GRID1: variants seen among roughly 807,000 people sequenced by gnomAD.
The protein encoded by GRID1 is glutamate ionotropic receptor delta type subunit 1, also known as glutamate receptor ionotropic, delta-1.
GRID1 carries 28 observed loss-of-function variants against 98.0 expected under a neutral mutation model. That is an observed-to-expected ratio of 0.29 (90% confidence interval 0.21 to 0.39). The LOEUF (loss-of-function observed/expected upper bound fraction) is 0.39, where lower values mean the gene tolerates loss of function less well. Among genes scored for constraint, GRID1 ranks in the 10% least tolerant of loss-of-function variants. The probability of loss-of-function intolerance (pLI) is 1.00; values close to 1 mark genes in which losing one functional copy is unlikely to be tolerated. For synonymous variants in GRID1, 553 were observed against 538.5 expected (o/e 1.03, Z -0.37); for missense variants, 1,111 against 1,340.5 (o/e 0.83, Z 2.67).
At chr10:85,739,149 T>C (rs1590211998) in intron 8 of GRID1, among the ~76,000 whole-genome samples, 2 of 152,120 alleles carry the variant, frequency 1.3e-5, no homozygotes, top group African/African-American at 4.8e-5. Context: ...ATATGTGCCA[T>C]ACACACAAAC....
chr10:85,959,772 C>T (rs1356350189), intron 4 of GRID1, among the ~76,000 whole-genome samples: 5 of 152,308 alleles, frequency 3.3e-5, no homozygotes, highest in Middle Eastern at 3.4e-3. Flanking sequence ...TTTATCTATT[C>T]ACCTGTCAAT....
intron 4 of GRID1, among the ~76,000 whole-genome samples, chr10:86,017,937 A>G (rs1220657564): frequency 6.6e-6 from 1 of 152,198 alleles, no homozygotes; most frequent in Non-Finnish European, 1.5e-5. Flanking sequence ...TCTGAGCCCA[A>G]CAGACCATGC....
chr10:86,053,889 C>T (rs1385272754), intron 4 of GRID1, among the ~76,000 whole-genome samples: 1 of 152,206 alleles, frequency 6.6e-6, no homozygotes, highest in Non-Finnish European at 1.5e-5. Flanking sequence ...CGTGTGCACA[C>T]ATGCACACAC....
rs73336595 is a variant in GRID1 at position 85,851,813 on chromosome 10, C to A, written c.1233+2683G>T. ...CGACTCCTTGGACTCTGACCTTGGG[C>A]ACTCCTTAGATGACTGATCTTGGCA... On this transcript the variant is annotated intron_variant, in intron 8 of 15. Transcript: ENST00000327946. Among the ~76,000 whole-genome samples the A allele has an allele frequency of 5.4e-3, 829 of 152,246 alleles. 6 individuals are homozygous for A. Among genetic ancestry groups the A allele is most frequent in the African/African-American group, 0.019 (782 of 41,544 alleles).
chr10:85,802,538 G>GA (rs765269927), intron 8 of GRID1, among the ~76,000 whole-genome samples: 2 of 151,954 alleles, frequency 1.3e-5, no homozygotes, highest in Non-Finnish European at 2.9e-5. Flanking sequence ...TTTTAAAAAT[G>GA]AAATTGTATG....
chr10:86,265,811 T>C (rs764585533), intron 2 of GRID1, among the ~76,000 whole-genome samples: 3 of 152,188 alleles, frequency 2.0e-5, no homozygotes, highest in African/African-American at 4.8e-5. Flanking sequence ...ATCAATCTTC[T>C]CTGACAGTTA....
intron 4 of GRID1, among the ~76,000 whole-genome samples, chr10:86,096,871 AT>A (rs1178057291): frequency 6.6e-6 from 1 of 152,212 alleles, no homozygotes; most frequent in Non-Finnish European, 1.5e-5. Context: ...CGTAGCCAGG[AT>A]TCACGGGTCC....
intron 8 of GRID1, among the ~76,000 whole-genome samples, chr10:85,829,707 C>T (rs1842850910): frequency 6.6e-6 from 1 of 151,984 alleles, no homozygotes; most frequent in African/African-American, 2.4e-5. Flanking sequence ...AAAATATCCC[C>T]CAAAAGAATA....
chr10:85,677,832 T>TG (rs1169468200), intron 12 of GRID1, among the ~76,000 whole-genome samples: 1 of 151,870 alleles, frequency 6.6e-6, no homozygotes, highest in East Asian at 1.9e-4. Context: ...GCATGCACAA[T>TG]GGGGGGAGGT....
rs1256515492 is a variant in GRID1, at chr10:85,731,402, C to A, written c.1234-1788G>T. Among the ~76,000 whole-genome samples the A allele has an allele frequency of 3.3e-5, 5 of 151,374 alleles. No individual in the cohort carries two copies. The South Asian group carries it at 8.4e-4, about 25-fold the overall frequency. Reference sequence around the variant, plus strand: ...AGATAAAGAACAAGTGAAGATCTACCCAAAATTCTGCTTAAAGACCTCGAA... The same window carrying A: ...AGATAAAGAACAAGTGAAGATCTACACAAAATTCTGCTTAAAGACCTCGAA... On this transcript the variant is annotated intron_variant, in intron 8 of 15. Coordinates refer to ENST00000327946, the MANE Select transcript of GRID1 (RefSeq NM_017551.3).
chr10:86,114,673 G>C (rs1844546297), intron 4 of GRID1, among the ~76,000 whole-genome samples: 1 of 152,150 alleles, frequency 6.6e-6, no homozygotes, highest in South Asian at 2.1e-4. Flanking sequence ...TGTCTTCTGA[G>C]AAAAGGAAGC....
chr10:86,279,129 T>C (rs1332700837), intron 2 of GRID1, among the ~76,000 whole-genome samples: 1 of 152,112 alleles, frequency 6.6e-6, no homozygotes, highest in Non-Finnish European at 1.5e-5. Flanking sequence ...GAATTCTTTA[T>C]AAAAGGAACC....
At chr10:86,221,358 G>A (rs2814326) in intron 2 of GRID1, among the ~76,000 whole-genome samples, 31,989 of 152,174 alleles carry the variant, frequency 0.21, 3,476 homozygotes, top group South Asian at 0.36. Flanking sequence ...TGGGAGCCAC[G>A]TTCTCCCAGC....
At chr10:86,125,014 G>A (rs1007815105) in intron 4 of GRID1, among the ~76,000 whole-genome samples, 1 of 152,198 alleles carries the variant, frequency 6.6e-6, no homozygotes, top group African/African-American at 2.4e-5. Context: ...GATGAGGTTG[G>A]TCCCTCCCTG....
chr10:85,645,502 T>C (rs1489575799), intron 13 of GRID1: 1 of 152,228 alleles, frequency 6.6e-6, no homozygotes, highest in Non-Finnish European at 1.5e-5. Flanking sequence ...TCTATTGTTA[T>C]TGTCAAAGTA....
chr10:85,610,732 C>A (rs1024928246), intron 15 of GRID1, among the ~76,000 whole-genome samples: 3 of 152,114 alleles, frequency 2.0e-5, no homozygotes, highest in African/African-American at 7.2e-5. Context: ...TCCCTGAAGG[C>A]AGGGGCCAGG....
At chr10:85,619,164 G>A (rs765423584) in intron 14 of GRID1, among the ~76,000 whole-genome samples, 1 of 152,162 alleles carries the variant, frequency 6.6e-6, no homozygotes, top group Non-Finnish European at 1.5e-5. Flanking sequence ...ACACCTTGGC[G>A]ACAGGAGCCC....
chr10:86,280,748 C>A (rs991287402), intron 2 of GRID1, among the ~76,000 whole-genome samples: 1 of 152,200 alleles, frequency 6.6e-6, no homozygotes, highest in African/African-American at 2.4e-5. Context: ...ACCCTTTCTG[C>A]CAGCTAACTG....
intron 4 of GRID1, among the ~76,000 whole-genome samples, chr10:85,917,887 G>T (rs975456837): frequency 6.6e-6 from 1 of 152,216 alleles, no homozygotes; most frequent in East Asian, 1.9e-4. Context: ...GGAATCTTCA[G>T]TCAGGATAGA....
Sources: gnomAD v4.1 joint callset for allele counts (sites outside exome capture counted in the v4.1 genomes callset) on GRCh38, gnomAD v4.1.1 for gene constraint, MANE v1.5 for transcripts, NCBI Gene and HGNC (gene_info 2026-07-23, HGNC 2026-07-21) for gene names.